Variants in DLG2 observed in about 807,000 individuals in gnomAD.
The protein encoded by DLG2 is disks large homolog 2.
In DLG2, 45 loss-of-function variants were observed where a neutral mutation model predicts 132.5. The observed-to-expected ratio is 0.34, with a 90% confidence interval of 0.27 to 0.44. DLG2 has a LOEUF of 0.44. Ranked by LOEUF, DLG2 falls within the 20% of genes least tolerant of loss-of-function variation. The pLI, the probability that DLG2 is intolerant of heterozygous loss-of-function variation, is 1.00. For missense variants in DLG2, 1,045 were observed against 1,196.9 expected (o/e 0.87, Z 1.87); for synonymous variants, 424 against 419.6 (o/e 1.01, Z -0.13).
At chr11:84,367,251 G>A (rs2098687819) in intron 7 of DLG2, among the ~76,000 whole-genome samples, 1 of 152,070 alleles carries the variant, frequency 6.6e-6, no homozygotes, top group African/African-American at 2.4e-5. Flanking sequence ...AACAGAGGAG[G>A]ACAAAATAGT....
intron 6 of DLG2, among the ~76,000 whole-genome samples, chr11:84,784,208 A>T (rs2153921448): frequency 7.3e-6 from 1 of 137,356 alleles, no homozygotes; most frequent in South Asian, 2.4e-4. Context: ...CTGTAATCCC[A>T]GCTACTCAGG....
At chr11:84,317,856 T>G (rs1407730335) in intron 7 of DLG2, among the ~76,000 whole-genome samples, 1 of 152,184 alleles carries the variant, frequency 6.6e-6, no homozygotes, top group African/African-American at 2.4e-5. Context: ...CTCTTAAAAT[T>G]TGGAAGTTTG....
chr11:84,208,039 G>A (rs2096697917), intron 8 of DLG2, among the ~76,000 whole-genome samples: 2 of 152,196 alleles, frequency 1.3e-5, no homozygotes, highest in South Asian at 4.1e-4. Flanking sequence ...TTTAAAAAAG[G>A]ATCTATGAAT....
At chr11:85,192,618 T>A (rs183731412) in intron 4 of DLG2, among the ~76,000 whole-genome samples, 3 of 152,340 alleles carry the variant, frequency 2.0e-5, no homozygotes, top group Non-Finnish European at 2.9e-5. Flanking sequence ...AAATTCTTCA[T>A]CTTATTTTAT....
intron 6 of DLG2, among the ~76,000 whole-genome samples, chr11:84,881,829 G>T (rs2087392818): frequency 6.6e-6 from 1 of 152,062 alleles, no homozygotes; most frequent in Non-Finnish European, 1.5e-5. Flanking sequence ...AACCCCAAAG[G>T]CTGTAGGCCT....
At chr11:83,988,288 C>A (rs2093471238) in intron 11 of DLG2, among the ~76,000 whole-genome samples, 2 of 152,052 alleles carry the variant, frequency 1.3e-5, no homozygotes, top group African/African-American at 4.8e-5. Context: ...GTCTTTAATT[C>A]ATCTTGAGTT....
At chr11:85,183,288 A>G (rs78313970) in intron 4 of DLG2, among the ~76,000 whole-genome samples, 3,027 of 151,914 alleles carry the variant, frequency 0.02, 58 homozygotes, top group Admixed American at 0.037. Flanking sequence ...TAAAATTCTG[A>G]CTAATCATTA....
At chr11:85,308,068 C>T (rs1465412667) in intron 3 of DLG2, among the ~76,000 whole-genome samples, 3 of 151,760 alleles carry the variant, frequency 2.0e-5, no homozygotes, top group African/African-American at 4.8e-5. Context: ...GCAGGAGAAT[C>T]GCTTGATCCC....
At chr11:83,895,680 G>C (rs1168899907) in intron 15 of DLG2, among the ~76,000 whole-genome samples, 1 of 152,134 alleles carries the variant, frequency 6.6e-6, no homozygotes, top group Non-Finnish European at 1.5e-5. Flanking sequence ...TACCCAGCCT[G>C]CTGCTATTCA....
intron 6 of DLG2, among the ~76,000 whole-genome samples, chr11:84,797,741 G>A (rs1267940818): frequency 2.0e-5 from 3 of 152,150 alleles, no homozygotes; most frequent in Admixed American, 6.5e-5. Context: ...TTCAAGTCAT[G>A]TTTTCCTGGA....
intron 6 of DLG2, among the ~76,000 whole-genome samples, chr11:85,013,258 T>C (rs2059304360): frequency 6.6e-6 from 1 of 152,172 alleles, no homozygotes; most frequent in Admixed American, 6.6e-5. Context: ...AGTTATGTTA[T>C]ATTTCTTTCA....
At chr11:84,513,638 A>G (rs1399588086) in intron 7 of DLG2, among the ~76,000 whole-genome samples, 1 of 152,148 alleles carries the variant, frequency 6.6e-6, no homozygotes, top group African/African-American at 2.4e-5. Context: ...CATATGCAGA[A>G]GAATGAAACT....
intron 7 of DLG2, among the ~76,000 whole-genome samples, chr11:84,402,273 A>G (rs373121738): frequency 1.3e-5 from 2 of 152,178 alleles, no homozygotes; most frequent in African/African-American, 4.8e-5. Context: ...AAATGTATCT[A>G]TATTATTTAT....
chr11:85,091,251 A>G (rs1004361427), intron 6 of DLG2, among the ~76,000 whole-genome samples: 1 of 152,248 alleles, frequency 6.6e-6, no homozygotes, highest in African/African-American at 2.4e-5. Context: ...CAATAGCATT[A>G]TATCTCAAAA....
rs927116038 is a variant in DLG2 at position 83,887,669 on chromosome 11, T to C, written c.1497-13181A>G. ...CAAAAAAGAGAATTTTAGACCAATA[T>C]CCTTGATGAACATTGATGCAAAAAT... is the stretch of plus-strand genomic sequence containing the variant. On this transcript the variant is annotated intron_variant, in intron 15 of 27. Coordinates refer to ENST00000376104, the MANE Select transcript of DLG2 (RefSeq NM_001142699.3). Among the ~76,000 whole-genome samples, 4 of 151,164 alleles carry C rather than the reference T, an allele frequency of 2.6e-5. No individual in the cohort carries two copies. In the South Asian group the frequency reaches 8.5e-4, roughly 32 times the overall value.
chr11:84,598,916 C>T (rs1485165024), intron 6 of DLG2, among the ~76,000 whole-genome samples: 3 of 150,734 alleles, frequency 2.0e-5, no homozygotes, highest in African/African-American at 7.3e-5. Context: ...TGCACTTCAG[C>T]CTGGGTGGCA....
At chr11:84,434,767 G>T (rs1163924810) in intron 7 of DLG2, among the ~76,000 whole-genome samples, 2 of 151,844 alleles carry the variant, frequency 1.3e-5, no homozygotes, top group African/African-American at 4.8e-5. Context: ...GTTTAGGATG[G>T]CATTTAGTCT....
chr11:83,842,816 C>CA (rs1259239219), intron 16 of DLG2, among the ~76,000 whole-genome samples: 2,762 of 68,288 alleles, frequency 0.04, 98 homozygotes, highest in African/African-American at 0.11. Flanking sequence ...ACTCTGTCTC[C>CA]AAAAAAAAAA....
intron 3 of DLG2, among the ~76,000 whole-genome samples, chr11:85,406,618 A>G (rs1237103776): frequency 6.6e-6 from 1 of 151,878 alleles, no homozygotes; most frequent in East Asian, 1.9e-4. Context: ...CAGAAAAACT[A>G]TTTGATATAA....
Sources: gnomAD v4.1 joint callset for allele counts (sites outside exome capture counted in the v4.1 genomes callset) on GRCh38, gnomAD v4.1.1 for gene constraint, MANE v1.5 for transcripts, NCBI Gene and HGNC (gene_info 2026-07-23, HGNC 2026-07-21) for gene names.